ANKRD9: variants seen among roughly 807,000 people sequenced by gnomAD.
ANKRD9 encodes ankyrin repeat domain 9, also known as ankyrin repeat domain-containing protein 9.
A neutral mutation model predicts 19.2 loss-of-function variants in ANKRD9; 13 were observed. That is an observed-to-expected ratio of 0.68 (90% CI 0.44 to 1.08). ANKRD9 has a LOEUF of 1.08. Among genes scored for constraint, ANKRD9 ranks in the 50% least tolerant of loss-of-function variants. ANKRD9 has a pLI of 0.00. For missense variants in ANKRD9, 518 were observed against 499.9 expected (o/e 1.04, Z -0.34); for synonymous variants, 278 against 256.8 (o/e 1.08, Z -0.79).
Position 102,505,274 on chromosome 14 carries a change from T to TCCG in ANKRD9, c.*1661_*1662insCGG. ...CCATACCCTCCAAAGGAGAGGCACCTCCCCCCCCCATGGCATCTCCAATCT... is the reference window on the plus strand; with the variant it reads ...CCATACCCTCCAAAGGAGAGGCACCTCCGCCCCCCCCCATGGCATCTCCAATCT... On this transcript the variant is annotated 3_prime_UTR_variant, in exon 4 of 4. Transcript: ENST00000286918. The TCCG allele has an allele frequency of 6.9e-6, 1 of 145,164 alleles. No individual in the cohort carries two copies. Among genetic ancestry groups the TCCG allele is most frequent in the East Asian group, 2.0e-4 (1 of 4,904 alleles). 9.0% of individuals were successfully genotyped at this position (145,164 alleles called of 1,614,324 possible).
At position 102,509,206 on chromosome 14, in the gene ANKRD9, T is replaced by C. The variant is rs113587425; in HGVS notation, c.-335+323A>G. On this transcript the variant is annotated intron_variant, in intron 1 of 3. Transcript: ENST00000286918. ...CAAGCCTGGGCCTCCGGGCCCCAGA[T>C]ATGCCCTGTGCCGGCACGCGTGGGG... is the stretch of plus-strand genomic sequence containing the variant. The C allele has an allele frequency of 9.7e-3, 1,483 of 152,252 alleles. 27 individuals are homozygous for C. The highest frequency in any genetic ancestry group is 0.034 in the African/African-American group (1,403 of 41,506). 9.4% of individuals were successfully genotyped at this position (152,252 alleles called of 1,614,324 possible). A position where few individuals can be genotyped will look rare whatever the true frequency, so the allele number is the denominator to read the frequency against.
Position 102,507,356 on chromosome 14 carries a change from C to A in ANKRD9, c.534G>T (p.Leu178=). 1 of 1,330,182 alleles carries A rather than the reference C, an allele frequency of 7.5e-7. No homozygotes were observed. Among genetic ancestry groups the A allele is most frequent in the South Asian group, 1.5e-5 (1 of 66,620 alleles). 82.4% of individuals were successfully genotyped at this position (1,330,182 alleles called of 1,614,324 possible). The change falls in exon 4 of 4, where the codon CTG becomes CTT. Residue 178 remains leucine (L), a synonymous_variant. Transcript: ENST00000286918. This position sits in a 1 kb window ranked among gnomAD's most constrained non-coding sequence, Gnocchi z 9.2. ...GACCGGGCGAGGCGCCGTGGCCCAG[C>A]AGCAGGAAGAGGCACTCGGGGCGCG... is the stretch of plus-strand genomic sequence containing the variant. ...ELARPECLFL[L]LGHGASPGLR... is the part of the protein sequence containing the mutation.
In ANKRD9 at chr14:102,507,061, AG is replaced by A; in HGVS notation, c.828del (p.Ser277ArgfsTer47). The A allele has an allele frequency of 6.4e-7, 1 of 1,554,688 alleles. No individual in the cohort carries two copies. On this transcript the variant is annotated frameshift_variant, in exon 4 of 4. Transcript: ENST00000286918. LOFTEE classifies it high-confidence loss of function. The surrounding 1 kb of genome is among the most constrained non-coding windows in gnomAD (Gnocchi z 9.2). ...KFQWLAGLAP[P>X]SLFARAMQVL... ...ACCTGCATGGCGCGCGCGAAGAGCG[AG>A]GGCGGCGCCAGGCCCGCCAGCCACT... is the stretch of plus-strand genomic sequence containing the variant.
Position 102,507,142 on chromosome 14 carries a change from C to G in ANKRD9, c.748G>C (p.Glu250Gln), listed in dbSNP as rs1891620832. Residue 250 changes from glutamate to glutamine, a missense_variant, in exon 4 of 4, where the codon GAG becomes CAG. Glu to Gln is a conservative substitution (Grantham distance 29, BLOSUM62 2). Coordinates refer to ENST00000286918, the MANE Select transcript of ANKRD9 (RefSeq NM_152326.4). This position sits in a 1 kb window ranked among gnomAD's most constrained non-coding sequence, Gnocchi z 9.2. The part of the protein sequence containing the change: ...PVGAAGSARQ[E>Q]LLGDRPRWQR... ...CAGCGCGGCCGGTCGCCCAGCAGCTCCTGGCGGGCCGAGCCGGCGGCACCC... is the reference window on the plus strand; with the variant it reads ...CAGCGCGGCCGGTCGCCCAGCAGCTGCTGGCGGGCCGAGCCGGCGGCACCC... The G allele has an allele frequency of 6.9e-7, 1 of 1,443,546 alleles. No homozygotes were observed. The highest frequency in any genetic ancestry group is 9.0e-7 in the Non-Finnish European group (1 of 1,106,150). The allele number at this position is 1,443,546 out of a possible 1,614,324, so 89.4% of individuals were successfully genotyped here. A position where few individuals can be genotyped will look rare whatever the true frequency, so the allele number is the denominator to read the frequency against.
At position 102,502,528 on chromosome 14, in the gene ANKRD9, T is replaced by C. The variant is rs1167785860; in HGVS notation, c.*4408A>G. 2 of 152,564 alleles carry C rather than the reference T, an allele frequency of 1.3e-5. No individual in the cohort carries two copies. The highest frequency in any genetic ancestry group is 4.8e-5 in the African/African-American group (2 of 41,434). 9.5% of individuals were successfully genotyped at this position (152,564 alleles called of 1,614,324 possible). ...TTATCAAGGCTGGTTGAGTCAAATA[T>C]CACAAAGTAGACACCAATGACTTCT... On this transcript the variant is annotated 3_prime_UTR_variant, in exon 4 of 4. Transcript: ENST00000286918.
In ANKRD9 at chr14:102,501,846, G is replaced by C. The variant is rs1263839002; in HGVS notation, c.*5090C>G. 2.0e-5 allele frequency: 3 copies of C among 152,162 alleles called. No individual in the cohort carries two copies. The highest frequency in any genetic ancestry group is 2.9e-5 in the Non-Finnish European group (2 of 68,022). The allele number at this position is 152,162 out of a possible 1,614,324, so 9.4% of individuals were successfully genotyped here. ...TAAGGGCCCTTCACAAAAGCAGAAGGAACACTGGCCCAAACCCCCAGCACC... is the reference window on the plus strand; with the variant it reads ...TAAGGGCCCTTCACAAAAGCAGAAGCAACACTGGCCCAAACCCCCAGCACC... On this transcript the variant is annotated 3_prime_UTR_variant, in exon 4 of 4. Coordinates refer to ENST00000286918, the MANE Select transcript of ANKRD9 (RefSeq NM_152326.4).
Position 102,507,654 on chromosome 14 carries a change from G to C in ANKRD9, c.236C>G (p.Ala79Gly). ...AYSPSEALLY[A>G]LVHDHQAYAH... Reference sequence around the variant, plus strand: ...GTACGCTTGGTGGTCGTGCACGAGCGCGTAGAGCAGCGCCTCAGAGGGCGA... The same window carrying C: ...GTACGCTTGGTGGTCGTGCACGAGCCCGTAGAGCAGCGCCTCAGAGGGCGA... Residue 79 changes from alanine (A) to glycine (G), a missense_variant, in exon 4 of 4, where the codon GCG (alanine) becomes GGG (glycine). Ala to Gly is a moderately conservative substitution (Grantham distance 60). Transcript: ENST00000286918. This position sits in a 1 kb window ranked among gnomAD's most constrained non-coding sequence, Gnocchi z 9.2. The C allele has an allele frequency of 3.9e-6, 6 of 1,548,620 alleles. No individual in the cohort carries two copies. The highest frequency in any genetic ancestry group is 1.2e-5 in the South Asian group (1 of 86,760).
rs1448130776 is a variant in ANKRD9 at position 102,505,330 on chromosome 14, G to A, written c.*1606C>T. On this transcript the variant is annotated 3_prime_UTR_variant, in exon 4 of 4. Coordinates refer to ENST00000286918, the MANE Select transcript of ANKRD9 (RefSeq NM_152326.4). The stretch of plus-strand genomic sequence containing the variant: ...CCTGCCACCTCCCAGAGGACCGGAG[G>A]CCCTGATGCCCCAAGAATTGGGCTT... 1.3e-5 allele frequency: 2 copies of A among 152,188 alleles called. No individual in the cohort carries two copies. Among genetic ancestry groups the A allele is most frequent in the African/African-American group, 4.8e-5 (2 of 41,416 alleles). The allele number at this position is 152,188 out of a possible 1,614,324, so 9.4% of individuals were successfully genotyped here. A position where few individuals can be genotyped will look rare whatever the true frequency, so the allele number is the denominator to read the frequency against.
rs912659706 is a variant in ANKRD9, at chr14:102,505,184, T to A, written c.*1752A>T. 1.3e-5 allele frequency: 2 copies of A among 152,534 alleles called. No individual in the cohort carries two copies. The highest frequency in any genetic ancestry group is 1.3e-4 in the Admixed American group (2 of 15,272). 9.4% of individuals were successfully genotyped at this position (152,534 alleles called of 1,614,324 possible). On this transcript the variant is annotated 3_prime_UTR_variant, in exon 4 of 4. Transcript: ENST00000286918. ...CCAGGCTTTCTAGGCACAAGCCCCA[T>A]GGGCTCCCCGGGCCCAGCCCCTAAG...
Position 102,507,645 on chromosome 14 carries a change from T to C in ANKRD9, c.245A>G (p.His82Arg), listed in dbSNP as rs1156585614. ...GTAATGCGCGTACGCTTGGTGGTCG[T>C]GCACGAGCGCGTAGAGCAGCGCCTC... ...PSEALLYALV[H>R]DHQAYAHYLL... The change falls in exon 4 of 4, where the codon CAC (histidine) becomes CGC (arginine). Residue 82 changes from histidine (H) to arginine (R), a missense_variant. Coordinates refer to ENST00000286918, the MANE Select transcript of ANKRD9 (RefSeq NM_152326.4). This position sits in a 1 kb window ranked among gnomAD's most constrained non-coding sequence, Gnocchi z 9.2. The C allele has an allele frequency of 6.5e-7, 1 of 1,542,110 alleles. No homozygotes were observed. The highest frequency in any genetic ancestry group is 8.7e-7 in the Non-Finnish European group (1 of 1,149,258).
Position 102,507,585 on chromosome 14 carries a change from G to T in ANKRD9, c.305C>A (p.Pro102Gln). Residue 102 changes from proline to glutamine, a missense_variant, in exon 4 of 4, where the codon CCG (proline) becomes CAG (glutamine). Pro to Gln is a moderately conservative substitution (Grantham distance 76). Coordinates refer to ENST00000286918, the MANE Select transcript of ANKRD9 (RefSeq NM_152326.4). The surrounding 1 kb of genome is among the most constrained non-coding windows in gnomAD (Gnocchi z 9.2). ...GCAGCAGCGGAAGCCGGCACTGGGC[G>T]GTGCGAGCGCGCGCCGCGGGAACGT... ...LATFPRRALA[P>Q]PSAGFRCCAA... The T allele has an allele frequency of 7.1e-7, 1 of 1,415,544 alleles. No individual in the cohort carries two copies. Among genetic ancestry groups the T allele is most frequent in the Non-Finnish European group, 9.2e-7 (1 of 1,083,840 alleles). 87.7% of individuals were successfully genotyped at this position (1,415,544 alleles called of 1,614,324 possible). A position where few individuals can be genotyped will look rare whatever the true frequency, so the allele number is the denominator to read the frequency against.
In ANKRD9 at chr14:102,505,139, T is replaced by G. The variant is rs1379262743; in HGVS notation, c.*1797A>C. ...GCTGGGGAGACATGAAGTCTGCACATCTAGACCCCAGTGAGGAGCCCAGGC... is the reference window on the plus strand; with the variant it reads ...GCTGGGGAGACATGAAGTCTGCACAGCTAGACCCCAGTGAGGAGCCCAGGC... On this transcript the variant is annotated 3_prime_UTR_variant, in exon 4 of 4. Coordinates refer to ENST00000286918, the MANE Select transcript of ANKRD9 (RefSeq NM_152326.4). The G allele has an allele frequency of 6.6e-6, 1 of 152,358 alleles. No homozygotes were observed. The highest frequency in any genetic ancestry group is 1.5e-5 in the Non-Finnish European group (1 of 68,222). 9.4% of individuals were successfully genotyped at this position (152,358 alleles called of 1,614,324 possible).
chr14:102,507,234 G>A lies in ANKRD9; in HGVS notation c.656C>T (p.Ser219Leu). 1 of 1,253,370 alleles carries A rather than the reference G, an allele frequency of 8.0e-7. No homozygotes were observed. Among genetic ancestry groups the A allele is most frequent in the Non-Finnish European group, 1.0e-6 (1 of 999,896 alleles). The allele number at this position is 1,253,370 out of a possible 1,614,324, so 77.6% of individuals were successfully genotyped here. The part of the protein sequence containing the change: ...ATPSAAGAPA[S>L]APGEPRQRRL... ...GCGCTGGCGCGGCTCCCCGGGAGCT[G>A]AGGCGGGGGCTCCGGCGGCGGAGGG... The change falls in exon 4 of 4, where the codon TCA becomes TTA. Residue 219 changes from serine (S) to leucine (L), a missense_variant. Physicochemically the swap from Ser to Leu is moderately radical, Grantham distance 145 (BLOSUM62 -2). Transcript: ENST00000286918. The surrounding 1 kb of genome is among the most constrained non-coding windows in gnomAD (Gnocchi z 9.2).
Position 102,502,790 on chromosome 14 carries a change from AG to A in ANKRD9, c.*4145del, listed in dbSNP as rs1206590778. The A allele has an allele frequency of 6.6e-6, 1 of 152,222 alleles. No homozygotes were observed. The highest frequency in any genetic ancestry group is 1.5e-5 in the Non-Finnish European group (1 of 68,036). 9.4% of individuals were successfully genotyped at this position (152,222 alleles called of 1,614,324 possible). A position where few individuals can be genotyped will look rare whatever the true frequency, so the allele number is the denominator to read the frequency against. On this transcript the variant is annotated 3_prime_UTR_variant, in exon 4 of 4. Coordinates refer to ENST00000286918, the MANE Select transcript of ANKRD9 (RefSeq NM_152326.4). Reference sequence around the variant, plus strand: ...CGCCTTTACTTGTACGTGAGCGCTTAGGGGCCCTGTCTCTGGGGACCATGTG... The same window carrying A: ...CGCCTTTACTTGTACGTGAGCGCTTAGGGCCCTGTCTCTGGGGACCATGTG...
Position 102,506,989 on chromosome 14 carries a change from C to T in ANKRD9, c.901G>A (p.Glu301Lys), listed in dbSNP as rs1201875712. The change falls in exon 4 of 4, where the codon GAG (glutamate) becomes AAG (lysine). Residue 301 changes from glutamate (E) to lysine (K), a missense_variant. Physicochemically the swap from Glu to Lys is moderately conservative, Grantham distance 56 (BLOSUM62 1). Coordinates refer to ENST00000286918, the MANE Select transcript of ANKRD9 (RefSeq NM_152326.4). ...TGCAGGAATGGGGGCAGCGGCAGCTCGTCCAGGGCCTCGGGGAAGCGGCCT... is the reference window on the plus strand; with the variant it reads ...TGCAGGAATGGGGGCAGCGGCAGCTTGTCCAGGGCCTCGGGGAAGCGGCCT... ...SPGRFPEALDELPLPPFLQPL... is the reference protein window; with the variant it reads ...SPGRFPEALDKLPLPPFLQPL... 1.3e-6 allele frequency: 2 copies of T among 1,570,082 alleles called. No individual in the cohort carries two copies. The highest frequency in any genetic ancestry group is 8.6e-7 in the Non-Finnish European group (1 of 1,158,636).
Position 102,509,765 on chromosome 14 carries a change from C to G in ANKRD9, c.-571G>C, listed in dbSNP as rs1224572285. ...GGGCGGCGGGCGGCGCAGTGCGGCC[C>G]CGGCCAGGCAGGACAGCGGGACCGT... On this transcript the variant is annotated 5_prime_UTR_variant, in exon 1 of 4. Transcript: ENST00000286918. 1 of 146,686 alleles carries G rather than the reference C, an allele frequency of 6.8e-6. No individual in the cohort carries two copies. The highest frequency in any genetic ancestry group is 1.5e-5 in the Non-Finnish European group (1 of 66,000). The allele number at this position is 146,686 out of a possible 1,614,324, so 9.1% of individuals were successfully genotyped here.
rs1303800814 is a variant in ANKRD9 at position 102,509,563 on chromosome 14, C to G, written c.-369G>C. The G allele has an allele frequency of 2.0e-5, 3 of 146,710 alleles. No homozygotes were observed. The highest frequency in any genetic ancestry group is 7.3e-5 in the African/African-American group (3 of 40,866). The allele number at this position is 146,710 out of a possible 1,614,324, so 9.1% of individuals were successfully genotyped here. ...CGCGGGGGCCACAGGCCGGGCGTCC[C>G]CGCCCCTGCCGCGGACCGGAGCGCG... On this transcript the variant is annotated 5_prime_UTR_variant, in exon 1 of 4. Coordinates refer to ENST00000286918, the MANE Select transcript of ANKRD9 (RefSeq NM_152326.4).
chr14:102,508,703 T>C lies in ANKRD9; in HGVS notation c.-191A>G, dbSNP rs1187774872. On this transcript the variant is annotated 5_prime_UTR_variant, in exon 2 of 4. Coordinates refer to ENST00000286918, the MANE Select transcript of ANKRD9 (RefSeq NM_152326.4). The surrounding 1 kb of genome is among the most constrained non-coding windows in gnomAD (Gnocchi z 6.2). ...ACCTGGAGACCGGTGTGCACCGCAC[T>C]GCACAGTCTGCCATCCTCTTCAGGT... The C allele has an allele frequency of 2.6e-5, 4 of 152,226 alleles. No homozygotes were observed. The highest frequency in any genetic ancestry group is 5.9e-5 in the Non-Finnish European group (4 of 68,106). The allele number at this position is 152,226 out of a possible 1,614,324, so 9.4% of individuals were successfully genotyped here. A position where few individuals can be genotyped will look rare whatever the true frequency, so the allele number is the denominator to read the frequency against.
In ANKRD9 at chr14:102,507,110, C is replaced by A. The variant is rs1271184723; in HGVS notation, c.780G>T (p.Arg260=). ...ACTGGAACTTGTCCTCACCCAGCAG[C>A]CGCTGCCAGCGCGGCCGGTCGCCCA... ...ELLGDRPRWQ[R]LLGEDKFQWL... Residue 260 remains arginine (R), a synonymous_variant, in exon 4 of 4, where the codon CGG becomes CGT. Transcript: ENST00000286918. The surrounding 1 kb of genome is among the most constrained non-coding windows in gnomAD (Gnocchi z 9.2). The A allele has an allele frequency of 3.3e-6, 5 of 1,516,570 alleles. No homozygotes were observed. The highest frequency in any genetic ancestry group is 5.3e-5 in the East Asian group (2 of 37,982). 93.9% of individuals were successfully genotyped at this position (1,516,570 alleles called of 1,614,324 possible). A position where few individuals can be genotyped will look rare whatever the true frequency, so the allele number is the denominator to read the frequency against.
Sources: gnomAD v4.1 joint callset for allele counts on GRCh38, gnomAD v4.1.1 for gene constraint, Gnocchi (gnomAD v3.1) non-coding constraint, MANE v1.5 for transcripts, NCBI Gene and HGNC (gene_info 2026-07-23, HGNC 2026-07-21) for gene names.